Variants in DGKB observed in about 807,000 individuals in gnomAD.
DGKB encodes the protein diacylglycerol kinase beta.
In DGKB, 67 loss-of-function variants were observed where a neutral mutation model predicts 114.3. The observed-to-expected ratio is 0.59, with a 90% CI of 0.48 to 0.72. DGKB has a LOEUF of 0.72. DGKB is among the 30% of genes least tolerant of loss of function. DGKB has a pLI of 0.00. For synonymous variants in DGKB, 398 were observed against 323.1 expected, an observed-to-expected ratio of 1.23 and a Z score of -2.49; for missense variants, 907 against 975.2, an observed-to-expected ratio of 0.93 and a Z score of 0.93.
intron 2 of DGKB, among the ~76,000 whole-genome samples, chr7:14,812,232 T>C (rs1050241325): frequency 6.6e-6 from 1 of 152,206 alleles, no homozygotes; most frequent in Non-Finnish European, 1.5e-5. Context: ...TTATTATGAA[T>C]AATGCTGCTT....
intron 2 of DGKB, among the ~76,000 whole-genome samples, chr7:14,836,996 G>T (rs1231039834): frequency 1.3e-5 from 2 of 152,152 alleles, no homozygotes; most frequent in Non-Finnish European, 2.9e-5. Context: ...GATAATAATT[G>T]TAAACAGTCA....
At chr7:14,914,307 CTG>C (rs1784133881) in intron 1 of DGKB, among the ~76,000 whole-genome samples, 1 of 152,110 alleles carries the variant, frequency 6.6e-6, no homozygotes, top group East Asian at 1.9e-4. Context: ...ACTAAGAAAA[CTG>C]AGATTTAATC....
intron 21 of DGKB, among the ~76,000 whole-genome samples, chr7:14,444,146 G>T (rs1297847889): frequency 6.6e-6 from 1 of 151,710 alleles, no homozygotes; most frequent in Admixed American, 6.6e-5. Flanking sequence ...GTGAGACCTT[G>T]TCAAAAATAT....
At chr7:14,889,133 G>C (rs995538547) in intron 1 of DGKB, among the ~76,000 whole-genome samples, 25 of 151,650 alleles carry the variant, frequency 1.6e-4, no homozygotes, top group African/African-American at 6.0e-4. Context: ...GCTATGTTTA[G>C]CATTCACTTT....
chr7:14,612,980 C>T (rs983467952), intron 16 of DGKB, among the ~76,000 whole-genome samples: 6 of 151,956 alleles, frequency 3.9e-5, no homozygotes, highest in Non-Finnish European at 7.4e-5. Flanking sequence ...GGTATAAATT[C>T]GGTTCCTCAG....
chr7:14,817,072 A>T (rs1844258312), intron 2 of DGKB, among the ~76,000 whole-genome samples: 1 of 152,172 alleles, frequency 6.6e-6, no homozygotes, highest in Non-Finnish European at 1.5e-5. Flanking sequence ...TTCAGGAAAT[A>T]GTCTACACTA....
At chr7:14,411,839 T>C (rs1563127797) in intron 21 of DGKB, among the ~76,000 whole-genome samples, 1 of 152,180 alleles carries the variant, frequency 6.6e-6, no homozygotes, top group East Asian at 1.9e-4. Context: ...AAGTATCATC[T>C]CTAACAGTAA....
At chr7:14,696,910 C>A (rs1025363923) in intron 8 of DGKB, among the ~76,000 whole-genome samples, 35 of 152,120 alleles carry the variant, frequency 2.3e-4, no homozygotes, top group African/African-American at 8.4e-4. Flanking sequence ...ATACTCATGC[C>A]ATTATCCTGT....
chr7:14,489,047 C>T (rs1317697160), intron 20 of DGKB, among the ~76,000 whole-genome samples: 1 of 152,108 alleles, frequency 6.6e-6, no homozygotes, highest in Non-Finnish European at 1.5e-5. Flanking sequence ...TAATCTACTT[C>T]CCTAAGTGTC....
chr7:14,219,981 TC>T (rs2128321307), intron 23 of DGKB, among the ~76,000 whole-genome samples: 2 of 151,858 alleles, frequency 1.3e-5, no homozygotes, highest in South Asian at 4.1e-4. Context: ...TGGACTACTT[TC>T]TGAGAAATGC....
chr7:14,372,320 G>A (rs944155275), intron 21 of DGKB, among the ~76,000 whole-genome samples: 3 of 152,144 alleles, frequency 2.0e-5, no homozygotes, highest in Non-Finnish European at 4.4e-5. Context: ...TTGAATTAAA[G>A]CTCACATAGT....
chr7:14,831,901 G>C (rs531534264), intron 2 of DGKB, among the ~76,000 whole-genome samples: 1 of 151,656 alleles, frequency 6.6e-6, no homozygotes, highest in Admixed American at 6.6e-5. Flanking sequence ...TAAGCAGAAG[G>C]ACATTTCTCA....
intron 23 of DGKB, among the ~76,000 whole-genome samples, chr7:14,297,071 A>G (rs1802713466): frequency 6.6e-6 from 1 of 152,146 alleles, no homozygotes; most frequent in Non-Finnish European, 1.5e-5. Flanking sequence ...TTAATAACCT[A>G]CAAACCAAAA....
At chr7:14,935,334 C>T (rs776363373) in intron 1 of DGKB, among the ~76,000 whole-genome samples, 37 of 152,102 alleles carry the variant, frequency 2.4e-4, no homozygotes, top group Non-Finnish European at 4.4e-4. Context: ...ACAAGAGTTT[C>T]GCCAAGGCTT....
chr7:14,415,362 T>C (rs1369437192), intron 21 of DGKB, among the ~76,000 whole-genome samples: 2 of 151,972 alleles, frequency 1.3e-5, no homozygotes, highest in East Asian at 1.9e-4. Context: ...GTTGGTGTGC[T>C]GCACCCATTA....
chr7:14,699,915 G>T (rs1824811902), intron 7 of DGKB, among the ~76,000 whole-genome samples: 1 of 150,838 alleles, frequency 6.6e-6, no homozygotes, highest in Non-Finnish European at 1.5e-5. Flanking sequence ...AAAAAAAAAG[G>T]ACTATTTGAC....
At chr7:14,244,506 GA>G (rs57784751) in intron 23 of DGKB, among the ~76,000 whole-genome samples, 82,630 of 149,718 alleles carry the variant, frequency 0.55, 22,969 homozygotes, top group African/African-American at 0.64. Context: ...AGTACAAAAA[GA>G]AAAAAAAAGA....
intron 23 of DGKB, among the ~76,000 whole-genome samples, chr7:14,319,046 C>G (rs972424751): frequency 6.0e-5 from 9 of 150,544 alleles, no homozygotes; most frequent in Non-Finnish European, 1.2e-4. Context: ...AACAAAAAAC[C>G]AAACACTGCA....
chr7:14,972,785 T>A (rs1787550739), intron 1 of DGKB, among the ~76,000 whole-genome samples: 1 of 152,038 alleles, frequency 6.6e-6, no homozygotes, highest in Non-Finnish European at 1.5e-5. Flanking sequence ...AACAGAGAGA[T>A]TAAAATGTAG....
Sources: gnomAD v4.1 joint callset for allele counts (sites outside exome capture counted in the v4.1 genomes callset) on GRCh38, gnomAD v4.1.1 for gene constraint, MANE v1.5 for transcripts, NCBI Gene and HGNC (gene_info 2026-07-23, HGNC 2026-07-21) for gene names.